SAMD4A: variants seen among roughly 807,000 people sequenced by gnomAD.
SAMD4A encodes protein Smaug homolog 1.
SAMD4A carries 33 observed loss-of-function variants against 81.3 expected under a neutral mutation model. The ratio of observed to expected loss-of-function variants is 0.41; its 90% CI spans 0.31 to 0.54. SAMD4A has a LOEUF of 0.54. SAMD4A is among the 20% of genes least tolerant of loss of function. SAMD4A has a pLI of 0.37. For missense variants in SAMD4A, 854 were observed against 951.1 expected, an observed-to-expected ratio of 0.90 and a Z score of 1.34; for synonymous variants, 389 against 382.1, an observed-to-expected ratio of 1.02 and a Z score of -0.21.
chr14:54,593,046 A>G (rs1490073315), intron 2 of SAMD4A, among the ~76,000 whole-genome samples: 1 of 152,256 alleles, frequency 6.6e-6, no homozygotes, highest in Non-Finnish European at 1.5e-5. Flanking sequence ...GAAAAAATAG[A>G]ATGATATAAT....
At chr14:54,572,118 A>G (rs2033146426) in intron 2 of SAMD4A, among the ~76,000 whole-genome samples, 1 of 152,204 alleles carries the variant, frequency 6.6e-6, no homozygotes, top group South Asian at 2.1e-4. Flanking sequence ...ATGGAAATGT[A>G]AAGGTAACTT....
At chr14:54,745,526 G>C (rs551197551) in intron 4 of SAMD4A, among the ~76,000 whole-genome samples, 1 of 152,102 alleles carries the variant, frequency 6.6e-6, no homozygotes, top group Admixed American at 6.6e-5. Flanking sequence ...TATACTCAGC[G>C]CTTGTCCTAT....
At chr14:54,608,294 G>T (rs1409672188) in intron 2 of SAMD4A, among the ~76,000 whole-genome samples, 1 of 152,190 alleles carries the variant, frequency 6.6e-6, no homozygotes, top group Non-Finnish European at 1.5e-5. Context: ...GTACTGGAAA[G>T]CACTTGGTGC....
At position 54,686,134 on chromosome 14, in the gene SAMD4A, C is replaced by T. The variant is rs552358162; in HGVS notation, c.197-15928C>T. On this transcript the variant is annotated intron_variant, in intron 2 of 12. Coordinates refer to ENST00000554335, the MANE Select transcript of SAMD4A (RefSeq NM_015589.6). ...CATGTCTGCCTAGAAAGAAGGGATGCCTTTAGAGGACCTGAGCCCTGTCTC... is the reference window on the plus strand; with the variant it reads ...CATGTCTGCCTAGAAAGAAGGGATGTCTTTAGAGGACCTGAGCCCTGTCTC... Among the ~76,000 whole-genome samples the T allele has an allele frequency of 2.0e-5, 3 of 152,230 alleles. No individual in the cohort carries two copies. The East Asian group carries it at 5.8e-4, about 29-fold the overall frequency.
intron 2 of SAMD4A, among the ~76,000 whole-genome samples, chr14:54,654,628 C>T (rs1202090302): frequency 6.6e-6 from 1 of 152,206 alleles, no homozygotes; most frequent in Non-Finnish European, 1.5e-5. Flanking sequence ...AGAACAGGCA[C>T]TTCAGAATCA....
intron 2 of SAMD4A, among the ~76,000 whole-genome samples, chr14:54,571,763 A>T (rs2033135377): frequency 6.6e-6 from 1 of 152,180 alleles, no homozygotes; most frequent in African/African-American, 2.4e-5. Flanking sequence ...TCTAGACACA[A>T]TTCTAACTTT....
At chr14:54,658,568 C>A (rs2035573820) in intron 2 of SAMD4A, among the ~76,000 whole-genome samples, 1 of 152,200 alleles carries the variant, frequency 6.6e-6, no homozygotes, top group Non-Finnish European at 1.5e-5. Flanking sequence ...GTCTGACATC[C>A]TGCTCCAAGT....
At chr14:54,582,412 A>G (rs775614573) in intron 2 of SAMD4A, among the ~76,000 whole-genome samples, 6 of 152,160 alleles carry the variant, frequency 3.9e-5, no homozygotes, top group Admixed American at 6.5e-5. Flanking sequence ...CCTTGAACAG[A>G]GCAGATATGT....
chr14:54,619,411 T>C (rs1251778159), intron 2 of SAMD4A, among the ~76,000 whole-genome samples: 1 of 152,208 alleles, frequency 6.6e-6, no homozygotes, highest in Admixed American at 6.5e-5. Context: ...CCATTTCACA[T>C]AGCAGGTGTT....
At chr14:54,582,353 A>G (rs1057166193) in intron 2 of SAMD4A, among the ~76,000 whole-genome samples, 1 of 152,150 alleles carries the variant, frequency 6.6e-6, no homozygotes, top group Non-Finnish European at 1.5e-5. Context: ...TATTTTGTTG[A>G]ACTTCACAAG....
chr14:54,677,716 A>C (rs1215105004), intron 2 of SAMD4A, among the ~76,000 whole-genome samples: 2 of 152,232 alleles, frequency 1.3e-5, no homozygotes, highest in Non-Finnish European at 2.9e-5. Context: ...CCTCTCCATA[A>C]CCCACACATT....
intron 2 of SAMD4A, among the ~76,000 whole-genome samples, chr14:54,679,480 C>T (rs558426282): frequency 1.3e-5 from 2 of 152,282 alleles, no homozygotes; most frequent in South Asian, 2.1e-4. Flanking sequence ...CCAGATGATG[C>T]GGGATGCCAG....
chr14:54,569,904 A>C (rs1474357434), intron 2 of SAMD4A, among the ~76,000 whole-genome samples: 1 of 152,206 alleles, frequency 6.6e-6, no homozygotes, highest in African/African-American at 2.4e-5. Context: ...TTAGTAAGTA[A>C]AACAGTTAAA....
intron 2 of SAMD4A, 129 bp from the exon 3 acceptor site, chr14:54,701,933 G>A (rs2036729393): frequency 1.0e-6 from 1 of 996,382 alleles, no homozygotes; most frequent in Non-Finnish European, 1.4e-6. Flanking sequence ...TGATTCACAG[G>A]CTCTTTTGAG....
chr14:54,786,621 T>G (rs1405410303), intron 12 of SAMD4A, among the ~76,000 whole-genome samples: 1 of 152,120 alleles, frequency 6.6e-6, no homozygotes. Flanking sequence ...GACTCAGTCT[T>G]TCACTGCTTT....
chr14:54,681,276 A>G (rs1278648849), intron 2 of SAMD4A, among the ~76,000 whole-genome samples: 1 of 150,394 alleles, frequency 6.6e-6, no homozygotes, highest in Admixed American at 6.7e-5. Flanking sequence ...TTGAGATGTG[A>G]TAATGTTTAG....
At chr14:54,580,259 A>G (rs910225118) in intron 2 of SAMD4A, among the ~76,000 whole-genome samples, 22 of 152,152 alleles carry the variant, frequency 1.4e-4, no homozygotes, top group African/African-American at 5.3e-4. Flanking sequence ...TGTGCTGGAA[A>G]TGAGAGAGGC....
At chr14:54,565,895 T>C (rs1350493570), upstream of SAMD4A, among the ~76,000 whole-genome samples, 1 of 150,958 alleles carries the variant, frequency 6.6e-6, no homozygotes, top group Non-Finnish European at 1.5e-5. This position sits in a 1 kb window ranked among gnomAD's most constrained non-coding sequence, Gnocchi z 5.4. Flanking sequence ...CACCAGCTCC[T>C]CCCACTCCGC....
At chr14:54,723,034 G>T (rs906970023) in intron 3 of SAMD4A, among the ~76,000 whole-genome samples, 1 of 151,976 alleles carries the variant, frequency 6.6e-6, no homozygotes, top group African/African-American at 2.4e-5. Context: ...GTTCATTTCT[G>T]GGAGAACCAT....
Sources: allele counts gnomAD v4.1 joint callset (sites outside exome capture counted in the v4.1 genomes callset), GRCh38; gene constraint gnomAD v4.1.1; non-coding constraint Gnocchi (gnomAD v3.1); transcripts MANE v1.5; gene names NCBI Gene and HGNC (gene_info 2026-07-23, HGNC 2026-07-21).